The following SEPSECS variants were observed in gnomAD, a reference collection of about 807,000 sequenced individuals.
SEPSECS encodes O-phosphoseryl-tRNA(Sec) selenium transferase.
A neutral mutation model predicts 52.1 loss-of-function variants in SEPSECS; 42 were observed. The ratio of observed to expected loss-of-function variants is 0.81; its 90% CI spans 0.63 to 1.04. SEPSECS has a LOEUF of 1.04. Among genes scored for constraint, SEPSECS ranks in the 50% least tolerant of loss-of-function variants. The probability of loss-of-function intolerance (pLI) is 0.00; values close to 1 mark genes in which losing one functional copy is unlikely to be tolerated. For synonymous variants in SEPSECS, 216 were observed against 211.4 expected, an observed-to-expected ratio of 1.02 and a Z score of -0.19; for missense variants, 590 against 610.6, an observed-to-expected ratio of 0.97 and a Z score of 0.36.
At chr4:25,154,618 TTTTAA>T (rs1712506580) in intron 5 of SEPSECS, among the ~76,000 whole-genome samples, 3 of 152,180 alleles carry the variant, frequency 2.0e-5, no homozygotes, top group Non-Finnish European at 4.4e-5. Context: ...CCTAATTTTT[TTTTAA>T]TTTATTAATA....
At chr4:25,143,991 T>C (rs1711782256) in intron 8 of SEPSECS, among the ~76,000 whole-genome samples, 1 of 152,132 alleles carries the variant, frequency 6.6e-6, no homozygotes, top group Admixed American at 6.5e-5. Context: ...TGTTTTCAAA[T>C]ATAAATGTAA....
chr4:25,123,781 C>CA lies in SEPSECS; in HGVS notation c.*149dup. ...TAAGAATGGGAAACTTAACAATCAT[C>CA]AATGGCTAGTTCAGACCAAAGTCTG... On this transcript the variant is annotated 3_prime_UTR_variant, in exon 11 of 11. Transcript: ENST00000382103. 2 of 655,938 alleles carry CA rather than the reference C, an allele frequency of 3.0e-6. No individual in the cohort carries two copies. The allele number at this position is 655,938 out of a possible 1,614,324, so 40.6% of individuals were successfully genotyped here. A position where few individuals can be genotyped will look rare whatever the true frequency, so the allele number is the denominator to read the frequency against.
chr4:25,154,036 C>T (rs2109031397), intron 5 of SEPSECS, among the ~76,000 whole-genome samples: 1 of 152,094 alleles, frequency 6.6e-6, no homozygotes, highest in Non-Finnish European at 1.5e-5. Context: ...GCTATCAAAA[C>T]CATCAACAAA....
intron 8 of SEPSECS, among the ~76,000 whole-genome samples, chr4:25,134,222 T>C (rs1307465498): frequency 6.8e-6 from 1 of 146,218 alleles, no homozygotes; most frequent in African/African-American, 2.5e-5. Context: ...TACATGCCTA[T>C]AGTCTTAGCT....
In SEPSECS at chr4:25,160,399, G is replaced by T; in HGVS notation, c.-30C>A. 6.6e-7 allele frequency: 1 copy of T among 1,521,998 alleles called. No individual in the cohort carries two copies. Among genetic ancestry groups the T allele is most frequent in the South Asian group, 1.2e-5 (1 of 83,384 alleles). 94.3% of individuals were successfully genotyped at this position (1,521,998 alleles called of 1,614,324 possible). ...GCGGTGGCGACAGTGGCGAATAAGC[G>T]GGAGCACTAGCTCCACACGCCAGAC... On this transcript the variant is annotated 5_prime_UTR_variant, in exon 1 of 11. Transcript: ENST00000382103.
At chr4:25,127,238 T>C (rs755767780) in intron 9 of SEPSECS, 26 bp downstream of exon 9, 1 of 1,488,848 alleles carries the variant, frequency 6.7e-7, no homozygotes, top group Non-Finnish European at 9.4e-7. Context: ...TAAGTATTTG[T>C]TTTTCTTTAG....
At position 25,139,268 on chromosome 4, in the gene SEPSECS, T is replaced by C. The variant is rs112980267; in HGVS notation, c.1026+5506A>G. On this transcript the variant is annotated intron_variant, in intron 8 of 10. Transcript: ENST00000382103. The stretch of plus-strand genomic sequence containing the variant: ...TTTAGCTTTAGGGCCTACACATAAA[T>C]ATTTGTTTGAATGAATAAATGAATG... 5.2e-3 allele frequency among the ~76,000 whole-genome samples: 787 copies of C among 152,292 alleles called. 8 individuals are homozygous for C. Among genetic ancestry groups the C allele is most frequent in the African/African-American group, 0.018 (734 of 41,558 alleles).
At chr4:25,152,646 C>T (rs1712369161) in intron 5 of SEPSECS, among the ~76,000 whole-genome samples, 2 of 151,872 alleles carry the variant, frequency 1.3e-5, no homozygotes. Context: ...GTTTTAAATC[C>T]ACCCTTATCT....
At chr4:25,129,480 A>G (rs905648766) in intron 8 of SEPSECS, among the ~76,000 whole-genome samples, 7 of 151,788 alleles carry the variant, frequency 4.6e-5, no homozygotes, top group African/African-American at 1.5e-4. Flanking sequence ...AAAATTAGCC[A>G]GGCATGGTGG....
At chr4:25,159,432 T>A in intron 1 of SEPSECS, 1 of 341,300 alleles carries the variant, frequency 2.9e-6, no homozygotes, top group Non-Finnish European at 5.6e-6. Context: ...GCGTTACGAC[T>A]GGGGCGGTGG....
chr4:25,125,842 A>C, intron 9 of SEPSECS, 58 bp from the exon 10 acceptor site: 1 of 958,034 alleles, frequency 1.0e-6, no homozygotes, highest in Non-Finnish European at 1.7e-6. Flanking sequence ...AAATCACTCA[A>C]ATAATAACAA....
intron 2 of SEPSECS, 135 bp downstream of exon 2, chr4:25,158,818 A>T: frequency 1.2e-6 from 1 of 841,986 alleles, no homozygotes; most frequent in Non-Finnish European, 1.9e-6. Context: ...CATTTGGCTT[A>T]CATATCCATT....
At chr4:25,159,237 A>C (rs897757935) in intron 1 of SEPSECS, 130 bp from the exon 2 acceptor site, 5 of 764,300 alleles carry the variant, frequency 6.5e-6, no homozygotes, top group Non-Finnish European at 1.0e-5. Context: ...TCAAGCATAA[A>C]TTCACCACTG....
intron 8 of SEPSECS, among the ~76,000 whole-genome samples, chr4:25,130,626 G>T (rs1003184135): frequency 2.0e-5 from 3 of 152,018 alleles, no homozygotes; most frequent in Non-Finnish European, 2.9e-5. Flanking sequence ...CTGTGTAAAG[G>T]GTTATAAGTA....
chr4:25,142,028 A>G (rs1711580797), intron 8 of SEPSECS, among the ~76,000 whole-genome samples: 1 of 152,148 alleles, frequency 6.6e-6, no homozygotes, highest in South Asian at 2.1e-4. Flanking sequence ...TGTAATCCCA[A>G]CACCCTGGGA....
chr4:25,139,264 T>C (rs1180223640), intron 8 of SEPSECS, among the ~76,000 whole-genome samples: 4 of 152,230 alleles, frequency 2.6e-5, no homozygotes, highest in African/African-American at 7.2e-5. Flanking sequence ...GGCCTACACA[T>C]AAATATTTGT....
intron 6 of SEPSECS, among the ~76,000 whole-genome samples, chr4:25,146,065 A>G (rs1711944446): frequency 1.3e-5 from 2 of 152,224 alleles, no homozygotes; most frequent in Non-Finnish European, 2.9e-5. Context: ...GTCCTCATCC[A>G]ACTTTCTGTC....
In SEPSECS at chr4:25,160,295, G is replaced by A. The variant is rs2109041746; in HGVS notation, c.75C>T (p.Arg25=). 1 of 1,551,984 alleles carries A rather than the reference G, an allele frequency of 6.4e-7. No homozygotes were observed. The highest frequency in any genetic ancestry group is 8.7e-7 in the Non-Finnish European group (1 of 1,147,418). ...PAYVRQGCEA[R]RSHEHLIRLL... is the part of the protein sequence containing the mutation. Reference sequence around the variant, plus strand: ...GCCGTATGAGGTGCTCATGCGAGCGGCGGGCCTCACAGCCCTGCCGCACGT... The same window carrying A: ...GCCGTATGAGGTGCTCATGCGAGCGACGGGCCTCACAGCCCTGCCGCACGT... The change falls in exon 1 of 11, where the codon CGC becomes CGT. Residue 25 remains arginine, a synonymous_variant. Coordinates refer to ENST00000382103, the MANE Select transcript of SEPSECS (RefSeq NM_016955.4).
rs751763771 is a variant in SEPSECS, at chr4:25,152,101, CTG to C, written c.702-41_702-40del. 86 of 1,189,098 alleles carry C rather than the reference CTG, an allele frequency of 7.2e-5. No homozygotes were observed. In the East Asian group the frequency reaches 1.9e-3, roughly 26 times the overall value. 73.7% of individuals were successfully genotyped at this position (1,189,098 alleles called of 1,614,324 possible). On this transcript the variant is annotated intron_variant, in intron 5 of 10. Transcript: ENST00000382103. ...TATTCAATAGAAAGACATACTCACA[CTG>C]TGTTTTATAAATGATAGTGCAGAAA...
Sources: allele counts gnomAD v4.1 joint callset (sites outside exome capture counted in the v4.1 genomes callset), GRCh38; gene constraint gnomAD v4.1.1; transcripts MANE v1.5; gene names NCBI Gene and HGNC (gene_info 2026-07-23, HGNC 2026-07-21).